Variants in EME1 observed in about 807,000 individuals in gnomAD.
EME1 encodes structure-specific endonuclease subunit EME1.
EME1 carries 61 observed loss-of-function variants against 59.1 expected under a neutral mutation model. The observed-to-expected ratio is 1.03, with a 90% CI of 0.84 to 1.28. The LOEUF is 1.28. Among genes scored for constraint, EME1 ranks in the 50% most tolerant of loss-of-function variants. The pLI is 0.00. For synonymous variants in EME1, 230 were observed against 254.2 expected, an observed-to-expected ratio of 0.90 and a Z score of 0.90; for missense variants, 635 against 682.6, an observed-to-expected ratio of 0.93 and a Z score of 0.78.
chr17:50,381,008 AATGAAG>A lies in EME1; in HGVS notation c.*71_*76del. On this transcript the variant is annotated 3_prime_UTR_variant, in exon 9 of 9. Transcript: ENST00000338165. ...TTCCCCAACCTCAGAGCCTGACTGT[AATGAAG>A]AGACTGGCAGCACCTCCTGGAACAC... The A allele has an allele frequency of 6.4e-7, 1 of 1,557,098 alleles. No individual in the cohort carries two copies. Among genetic ancestry groups the A allele is most frequent in the African/African-American group, 1.4e-5 (1 of 73,744 alleles).
rs1239999884 is a variant in EME1, at chr17:50,379,103, C to T, written c.1113-4C>T. On this transcript the variant is annotated splice_region_variant and splice_polypyrimidine_tract_variant and intron_variant, in intron 5 of 8. Coordinates refer to ENST00000338165, the MANE Select transcript of EME1 (RefSeq NM_152463.4). Reference sequence around the variant, plus strand: ...CTGTTCTTTGATTTCCTCCCCTGCACCAGTGCTCAGAATCCTCCAAGAAGA... The same window carrying T: ...CTGTTCTTTGATTTCCTCCCCTGCATCAGTGCTCAGAATCCTCCAAGAAGA... 6.2e-7 allele frequency: 1 copy of T among 1,614,104 alleles called. No homozygotes were observed. The highest frequency in any genetic ancestry group is 1.7e-5 in the Admixed American group (1 of 60,018).
In EME1 at chr17:50,380,841, A is replaced by T. The variant is rs932550956; in HGVS notation, c.1615A>T (p.Thr539Ser). The T allele has an allele frequency of 6.2e-7, 1 of 1,614,208 alleles. No homozygotes were observed. Among genetic ancestry groups the T allele is most frequent in the Admixed American group, 1.7e-5 (1 of 60,020 alleles). ...ACAGGTGCGCCGTGGGGAAGGTGTGACATCCACTTCTCGCCGCATTGGACC... is the reference window on the plus strand; with the variant it reads ...ACAGGTGCGCCGTGGGGAAGGTGTGTCATCCACTTCTCGCCGCATTGGACC... ...DIQVRRGEGVTSTSRRIGPEL... is the reference protein window; with the variant it reads ...DIQVRRGEGVSSTSRRIGPEL... Residue 539 changes from threonine (T) to serine (S), a missense_variant, in exon 9 of 9, where the codon ACA becomes TCA. Physicochemically the swap from Thr to Ser is moderately conservative, Grantham distance 58. Transcript: ENST00000338165.
At chr17:50,375,034 T>G in intron 1 of EME1, 151 bp from the exon 2 acceptor site, 1 of 574,876 alleles carries the variant, frequency 1.7e-6, no homozygotes. Context: ...GGAGTTAGAG[T>G]TCCAGATTGA....
chr17:50,375,474 A>G lies in EME1; in HGVS notation c.266A>G (p.Asp89Gly), dbSNP rs368526105. The G allele has an allele frequency of 3.7e-6, 6 of 1,614,048 alleles. No homozygotes were observed. Among genetic ancestry groups the G allele is most frequent in the Middle Eastern group, 3.3e-4 (2 of 6,058 alleles). The change falls in exon 2 of 9, where the codon GAT (aspartate) becomes GGT (glycine). Residue 89 changes from aspartate (D) to glycine (G), a missense_variant. Coordinates refer to ENST00000338165, the MANE Select transcript of EME1 (RefSeq NM_152463.4). Reference protein sequence around the residue: ...PVRLLSSESEDEEEFIPLAQR... With the variant: ...PVRLLSSESEGEEEFIPLAQR... ...AGGTTGCTAAGCAGTGAAAGTGAAG[A>G]TGAAGAAGAATTTATTCCTCTGGCT...
Position 50,373,288 on chromosome 17 carries a change from C to G in EME1, c.-25+11C>G. ...CGGGAGAAGTTGCAGGTGAGCGTCCCCGGTCGCAGGCCTGCGGATTGGGCA... is the reference window on the plus strand; with the variant it reads ...CGGGAGAAGTTGCAGGTGAGCGTCCGCGGTCGCAGGCCTGCGGATTGGGCA... On this transcript the variant is annotated intron_variant, in intron 1 of 8. Coordinates refer to ENST00000338165, the MANE Select transcript of EME1 (RefSeq NM_152463.4). 4 of 1,431,500 alleles carry G rather than the reference C, an allele frequency of 2.8e-6. No homozygotes were observed. In the Middle Eastern group the frequency reaches 5.2e-4, roughly 187 times the overall value. 88.7% of individuals were successfully genotyped at this position (1,431,500 alleles called of 1,614,324 possible).
chr17:50,380,292 C>T lies in EME1; in HGVS notation c.1347-20C>T. On this transcript the variant is annotated intron_variant, in intron 7 of 8. Transcript: ENST00000338165. Reference sequence around the variant, plus strand: ...GAAGAGTAATGAGCAACTTACAGCTCTCCAACCACGCTGTTGCAGGAAGCT... The same window carrying T: ...GAAGAGTAATGAGCAACTTACAGCTTTCCAACCACGCTGTTGCAGGAAGCT... The T allele has an allele frequency of 6.3e-7, 1 of 1,580,716 alleles. No homozygotes were observed. The highest frequency in any genetic ancestry group is 8.6e-7 in the Non-Finnish European group (1 of 1,162,920).
Position 50,375,927 on chromosome 17 carries a change from T to G in EME1, c.719T>G (p.Met240Arg). ...ERKNAALVTRMKAQRPEECLK... is the reference protein window; with the variant it reads ...ERKNAALVTRRKAQRPEECLK... ...AAGAATGCAGCACTGGTTACCAGGATGAAAGCCCAGAGGCCAGAGGAATGC... is the reference window on the plus strand; with the variant it reads ...AAGAATGCAGCACTGGTTACCAGGAGGAAAGCCCAGAGGCCAGAGGAATGC... Residue 240 changes from methionine to arginine, a missense_variant, in exon 2 of 9, where the codon ATG (methionine) becomes AGG (arginine). Met to Arg is a moderately conservative substitution (Grantham distance 91). Coordinates refer to ENST00000338165, the MANE Select transcript of EME1 (RefSeq NM_152463.4). The G allele has an allele frequency of 6.2e-7, 1 of 1,612,060 alleles. No homozygotes were observed. Among genetic ancestry groups the G allele is most frequent in the South Asian group, 1.1e-5 (1 of 90,836 alleles).
chr17:50,378,754 G>A lies in EME1; in HGVS notation c.991-20G>A, dbSNP rs781243065. The A allele has an allele frequency of 3.1e-6, 5 of 1,614,226 alleles. No individual in the cohort carries two copies. In the Admixed American group the frequency reaches 5.0e-5, roughly 16 times the overall value. The stretch of plus-strand genomic sequence containing the variant: ...TTACTAGGAAGCAAGTATTAATGCA[G>A]TTTCTGCCCCTTCATGCAGGGAAGC... On this transcript the variant is annotated intron_variant, in intron 4 of 8. Transcript: ENST00000338165.
At chr17:50,379,037 GTCT>G (rs781682915) in intron 5 of EME1, 67 bp from the exon 6 acceptor site, 19 of 1,613,706 alleles carry the variant, frequency 1.2e-5, no homozygotes, top group South Asian at 7.7e-5. Context: ...CTCTGGTCCA[GTCT>G]TCTTCTGTAT....
At chr17:50,374,134 A>C (rs1160218741) in intron 1 of EME1, among the ~76,000 whole-genome samples, 1 of 152,242 alleles carries the variant, frequency 6.6e-6, no homozygotes, top group African/African-American at 2.4e-5. Context: ...GAGGTGATAA[A>C]ATAGTGATGA....
At position 50,379,180 on chromosome 17, in the gene EME1, G is replaced by C; in HGVS notation, c.1186G>C (p.Glu396Gln). ...QTKKQQQRQP[E>Q]ASIGSMVSRV... ...CAAGAAGCAGCAGCAGAGACAACCAGAGGCCAGCATAGGGTCCATGGTATC... is the reference window on the plus strand; with the variant it reads ...CAAGAAGCAGCAGCAGAGACAACCACAGGCCAGCATAGGGTCCATGGTATC... The change falls in exon 6 of 9, where the codon GAG becomes CAG. Residue 396 changes from glutamate to glutamine, a missense_variant. Transcript: ENST00000338165. 1.2e-6 allele frequency: 2 copies of C among 1,614,220 alleles called. No individual in the cohort carries two copies. The highest frequency in any genetic ancestry group is 1.7e-6 in the Non-Finnish European group (2 of 1,180,044).
intron 3 of EME1, among the ~76,000 whole-genome samples, chr17:50,377,626 C>A (rs1321793585): frequency 6.6e-6 from 1 of 152,224 alleles, no homozygotes; most frequent in Non-Finnish European, 1.5e-5. Flanking sequence ...GTAAGGACCA[C>A]TCGGCTCACA....
At chr17:50,373,418 G>T in intron 1 of EME1, 141 bp downstream of exon 1, 1 of 584,708 alleles carries the variant, frequency 1.7e-6, no homozygotes, top group Non-Finnish European at 3.0e-6. Context: ...TGTCGGGCAG[G>T]GGCCCGCTTG....
intron 6 of EME1, 92 bp from the exon 7 acceptor site, chr17:50,379,360 G>GCC (rs759225455): frequency 1.9e-6 from 3 of 1,584,806 alleles, no homozygotes; most frequent in Non-Finnish European, 2.6e-6. Flanking sequence ...CAAACAGGAA[G>GCC]CCAAGGGGCT....
chr17:50,380,523 G>A (rs374027024), intron 8 of EME1, 22 bp downstream of exon 8: 1 of 1,609,856 alleles, frequency 6.2e-7, no homozygotes, highest in Non-Finnish European at 8.5e-7. Flanking sequence ...CAGGGCTCAG[G>A]GGTCACTGCC....
chr17:50,380,807 C>T lies in EME1; in HGVS notation c.1581C>T (p.Leu527=), dbSNP rs142955268. Residue 527 remains leucine, a synonymous_variant, in exon 9 of 9, where the codon CTC becomes CTT. Transcript: ENST00000338165. ...CFSDKERQNL[L]ADIQVRRGEG... ...CGGATAAAGAACGCCAGAATTTGCT[C>T]GCAGACATACAGGTGCGCCGTGGGG... 145 of 1,614,214 alleles carry T rather than the reference C, an allele frequency of 9.0e-5. No homozygotes were observed. The highest frequency in any genetic ancestry group is 4.3e-4 in the African/African-American group (32 of 75,054).
rs1390346657 is a variant in EME1, at chr17:50,375,703, A to G, written c.495A>G (p.Pro165=). ...ATAACAAGGACCTGATCTTAGATCC[A>G]TGCTGTCAGCTTCCAGCCTACCTGT... The part of the protein sequence containing the change: ...AADNKDLILD[P]CCQLPAYLST... Residue 165 remains proline, a synonymous_variant, in exon 2 of 9, where the codon CCA becomes CCG. Coordinates refer to ENST00000338165, the MANE Select transcript of EME1 (RefSeq NM_152463.4). 2 of 1,614,030 alleles carry G rather than the reference A, an allele frequency of 1.2e-6. No individual in the cohort carries two copies. Among genetic ancestry groups the G allele is most frequent in the Non-Finnish European group, 1.7e-6 (2 of 1,180,032 alleles).
At position 50,376,098 on chromosome 17, in the gene EME1, CT is replaced by C; in HGVS notation, c.809del (p.Leu270GlnfsTer12). 6.2e-7 allele frequency: 1 copy of C among 1,614,018 alleles called. No individual in the cohort carries two copies. The highest frequency in any genetic ancestry group is 1.1e-5 in the South Asian group (1 of 91,090). ...ACAGATGGAAGGTGGGGGCCAGCTCCTAGGAGCACTGCAGACCATGGAGTGC... is the reference window on the plus strand; with the variant it reads ...ACAGATGGAAGGTGGGGGCCAGCTCCAGGAGCACTGCAGACCATGGAGTGC... ...LLQMEGGGQL[L>X]GALQTMECRC... On this transcript the variant is annotated frameshift_variant, in exon 3 of 9. Coordinates refer to ENST00000338165, the MANE Select transcript of EME1 (RefSeq NM_152463.4). LOFTEE classifies it high-confidence loss of function.
Position 50,376,002 on chromosome 17 carries a change from G to A in EME1, c.775+19G>A. On this transcript the variant is annotated intron_variant, in intron 2 of 8. Transcript: ENST00000338165. ...GATCCAGGTCCTCACATGTGTCTTT[G>A]TCCTGTGCTGAGTTATCTGCGTTCT... 6.2e-7 allele frequency: 1 copy of A among 1,606,928 alleles called. No individual in the cohort carries two copies. The highest frequency in any genetic ancestry group is 8.5e-7 in the Non-Finnish European group (1 of 1,174,634).
Sources: gnomAD v4.1 joint callset for allele counts (sites outside exome capture counted in the v4.1 genomes callset) on GRCh38, gnomAD v4.1.1 for gene constraint, MANE v1.5 for transcripts, NCBI Gene and HGNC (gene_info 2026-07-23, HGNC 2026-07-21) for gene names.